CNOT1: variants seen among roughly 807,000 people sequenced by gnomAD.
CNOT1 encodes the protein CCR4-NOT transcription complex subunit 1.
In CNOT1, 15 loss-of-function variants were observed where a neutral mutation model predicts 273.8. That is an observed-to-expected ratio of 0.05 (90% CI 0.04 to 0.08). CNOT1 has a LOEUF of 0.08. Ranked by LOEUF, CNOT1 falls within the 10% of genes least tolerant of loss-of-function variation. CNOT1 has a pLI of 1.00. For synonymous variants in CNOT1, 1,022 were observed against 1,005.5 expected (o/e 1.02, Z -0.31); for missense variants, 1,644 against 2,912.2 (o/e 0.56, Z 10.02).
intron 38 of CNOT1, 123 bp downstream of exon 38, chr16:58,537,767 TA>T: frequency 7.7e-7 from 1 of 1,292,978 alleles, no homozygotes; most frequent in Non-Finnish European, 1.1e-6. Context: ...TTACCAAAGC[TA>T]CCCACCCATA....
At chr16:58,599,157 GC>G in intron 2 of CNOT1, 78 bp downstream of exon 2, 2 of 1,580,164 alleles carry the variant, frequency 1.3e-6, no homozygotes, top group Non-Finnish European at 1.7e-6. Flanking sequence ...CATGCAACAT[GC>G]CCACATAAAT....
At chr16:58,542,083 C>T in intron 33 of CNOT1, 148 bp downstream of exon 33, 1 of 974,354 alleles carries the variant, frequency 1.0e-6, no homozygotes, top group Non-Finnish European at 1.5e-6. Context: ...CCACAGGCAG[C>T]CATTCAGTGA....
chr16:58,544,003 A>G lies in CNOT1; in HGVS notation c.4138-100T>C, dbSNP rs1006352022. 91 of 1,453,634 alleles carry G rather than the reference A, an allele frequency of 6.3e-5. No individual in the cohort carries two copies. In the Middle Eastern group the frequency reaches 7.2e-4, roughly 12 times the overall value. 90.0% of individuals were successfully genotyped at this position (1,453,634 alleles called of 1,614,324 possible). ...ATGATTTTGTAAATCAAGATTAACC[A>G]AAAACTACCAGTTTCTACTTAAAGT... On this transcript the variant is annotated intron_variant, in intron 30 of 48. Coordinates refer to ENST00000317147, the MANE Select transcript of CNOT1 (RefSeq NM_016284.5).
intron 1 of CNOT1, among the ~76,000 whole-genome samples, chr16:58,608,341 G>A (rs2042762313): frequency 6.6e-6 from 1 of 151,992 alleles, no homozygotes; most frequent in African/African-American, 2.4e-5. Flanking sequence ...GATAACTTTA[G>A]GTCATGAGTT....
intron 4 of CNOT1, 27 bp downstream of exon 4, chr16:58,587,753 A>G (rs1443944302): frequency 3.7e-6 from 6 of 1,606,890 alleles, no homozygotes; most frequent in African/African-American, 2.7e-5. Flanking sequence ...GAGAGATCAC[A>G]CTCTTAAAGA....
chr16:58,593,703 G>A (rs777798198), intron 2 of CNOT1, among the ~76,000 whole-genome samples: 12 of 152,016 alleles, frequency 7.9e-5, no homozygotes, highest in Non-Finnish European at 1.6e-4. Flanking sequence ...TTCCAACCTA[G>A]GCAACAGAGT....
intron 1 of CNOT1, among the ~76,000 whole-genome samples, chr16:58,625,804 G>A (rs889260104): frequency 6.7e-6 from 1 of 148,290 alleles, no homozygotes; most frequent in Non-Finnish European, 1.5e-5. Flanking sequence ...GCTGCAGTGA[G>A]CAGGGATTGT....
chr16:58,610,968 T>C (rs879672080), intron 1 of CNOT1, among the ~76,000 whole-genome samples: 2 of 145,458 alleles, frequency 1.4e-5, no homozygotes, highest in Admixed American at 6.9e-5. Context: ...ACCCAGGAGG[T>C]GGAGGTTGCA....
chr16:58,610,443 C>T (rs2042854690), intron 1 of CNOT1, among the ~76,000 whole-genome samples: 1 of 152,058 alleles, frequency 6.6e-6, no homozygotes, highest in Non-Finnish European at 1.5e-5. Context: ...GTAGCTCATG[C>T]CTGTAATCCC....
chr16:58,624,364 A>G (rs1441267791), intron 1 of CNOT1, among the ~76,000 whole-genome samples: 4 of 152,216 alleles, frequency 2.6e-5, no homozygotes, highest in South Asian at 2.1e-4. Flanking sequence ...ATTATCCTAC[A>G]TGGTTGCAAC....
In CNOT1 at chr16:58,614,713, G is replaced by C. The variant is rs573215187; in HGVS notation, c.-175+15015C>G. Among the ~76,000 whole-genome samples, 35 of 125,070 alleles carry C rather than the reference G, an allele frequency of 2.8e-4. 8 individuals are homozygous for C. The highest frequency in any genetic ancestry group is 5.5e-4 in the Non-Finnish European group (29 of 52,430). The allele number at this position is 125,070 out of a possible 152,430, so 82.1% of individuals were successfully genotyped here. A position where few individuals can be genotyped will look rare whatever the true frequency, so the allele number is the denominator to read the frequency against. On this transcript the variant is annotated intron_variant, in intron 1 of 48. Transcript: ENST00000317147. Reference sequence around the variant, plus strand: ...TTGCTATAGAAAAACACTTTTTATTGTATTTTATTTTTTTGAGACGGGGTC... The same window carrying C: ...TTGCTATAGAAAAACACTTTTTATTCTATTTTATTTTTTTGAGACGGGGTC...
At chr16:58,533,239 T>C (rs1461736961) in intron 40 of CNOT1, 2 of 152,168 alleles carry the variant, frequency 1.3e-5, no homozygotes, top group Admixed American at 6.6e-5. Flanking sequence ...CTCAATAGGG[T>C]TAAGAACCAC....
rs776931988 is a variant in CNOT1 at position 58,528,336 on chromosome 16, A to G, written c.6453+139T>C. On this transcript the variant is annotated intron_variant, in intron 44 of 48. Transcript: ENST00000317147. ...ATCATACCTTCTATCAGGCTTAATA[A>G]CATTATTTCCTTTAAAGAGTACCCT... 40 of 695,946 alleles carry G rather than the reference A, an allele frequency of 5.7e-5. No homozygotes were observed. In the African/African-American group the frequency reaches 6.4e-4, roughly 11 times the overall value. The allele number at this position is 695,946 out of a possible 1,614,324, so 43.1% of individuals were successfully genotyped here.
chr16:58,619,432 CT>C (rs1023753231), intron 1 of CNOT1, among the ~76,000 whole-genome samples: 299 of 144,362 alleles, frequency 2.1e-3, no homozygotes, highest in Admixed American at 2.1e-3. Context: ...CATTTTCTTT[CT>C]TTTTTTTTTT....
At chr16:58,629,234 C>A (rs2043717986) in intron 1 of CNOT1, among the ~76,000 whole-genome samples, 1 of 152,326 alleles carries the variant, frequency 6.6e-6, no homozygotes, top group South Asian at 2.1e-4. Context: ...CGGAGAAGAA[C>A]TGGAAACATG....
chr16:58,602,850 A>G (rs2042525124), intron 1 of CNOT1, among the ~76,000 whole-genome samples: 1 of 152,234 alleles, frequency 6.6e-6, no homozygotes, highest in South Asian at 2.1e-4. Context: ...CCAAATTTGT[A>G]TAATATAATC....
intron 44 of CNOT1, among the ~76,000 whole-genome samples, chr16:58,527,659 C>G (rs1459580778): frequency 1.3e-5 from 2 of 152,256 alleles, no homozygotes; most frequent in East Asian, 1.9e-4. Flanking sequence ...ATAAGCACTA[C>G]AGATGTCATT....
Position 58,611,026 on chromosome 16 carries a change from G to C in CNOT1, c.-174-11515C>G, listed in dbSNP as rs2042880523. ...CGCTCCAGCCTGGGTGACAGAGCTA[G>C]ACTTGGTCTCTAAATAAATAAATTT... is the stretch of plus-strand genomic sequence containing the variant. On this transcript the variant is annotated intron_variant, in intron 1 of 48. Coordinates refer to ENST00000317147, the MANE Select transcript of CNOT1 (RefSeq NM_016284.5). Among the ~76,000 whole-genome samples, 3 of 152,070 alleles carry C rather than the reference G, an allele frequency of 2.0e-5. No individual in the cohort carries two copies. In the South Asian group the frequency reaches 6.2e-4, roughly 32 times the overall value.
At chr16:58,586,942 T>C (rs2041893234) in intron 6 of CNOT1, among the ~76,000 whole-genome samples, 194 bp from the exon 7 acceptor site, 1 of 151,824 alleles carries the variant, frequency 6.6e-6, no homozygotes, top group Non-Finnish European at 1.5e-5. Flanking sequence ...AAATAGAGAG[T>C]TGTTGATGGG....
Sources: allele counts gnomAD v4.1 joint callset (sites outside exome capture counted in the v4.1 genomes callset), GRCh38; gene constraint gnomAD v4.1.1; transcripts MANE v1.5; gene names NCBI Gene and HGNC (gene_info 2026-07-23, HGNC 2026-07-21).